Variants in GALNT17 observed in about 807,000 individuals in gnomAD.
GALNT17 encodes polypeptide N-acetylgalactosaminyltransferase 17, also known as UDP-GalNAc:polypeptide N-acetylgalactosaminyltransferase-like 3.
In GALNT17, 29 loss-of-function variants were observed where a neutral mutation model predicts 63.7. That is an observed-to-expected ratio of 0.46 (90% CI 0.34 to 0.62). The LOEUF is 0.62. GALNT17 is among the 20% of genes least tolerant of loss of function. The pLI is 0.01. For synonymous variants in GALNT17, 305 were observed against 318.3 expected (o/e 0.96, Z 0.45); for missense variants, 603 against 799.6 (o/e 0.75, Z 2.97).
chr7:71,434,888 A>AAAAC (rs1196455889), intron 5 of GALNT17, among the ~76,000 whole-genome samples: 2 of 152,222 alleles, frequency 1.3e-5, no homozygotes, highest in East Asian at 3.8e-4. Flanking sequence ...TAGATGGTAA[A>AAAAC]AAACAAACAA....
intron 6 of GALNT17, among the ~76,000 whole-genome samples, chr7:71,631,647 C>T (rs960865036): frequency 1.3e-5 from 2 of 152,002 alleles, no homozygotes; most frequent in African/African-American, 4.8e-5. Flanking sequence ...GGAGTGGCAT[C>T]AGCAAAGGTG....
At chr7:71,421,456 G>A (rs1317889910) in intron 5 of GALNT17, among the ~76,000 whole-genome samples, 3 of 152,160 alleles carry the variant, frequency 2.0e-5, no homozygotes, top group African/African-American at 7.2e-5. Flanking sequence ...TTTTATACTT[G>A]AAGCCTTGTA....
intron 6 of GALNT17, among the ~76,000 whole-genome samples, chr7:71,615,273 G>T (rs889448037): frequency 7.2e-5 from 11 of 152,036 alleles, no homozygotes; most frequent in Non-Finnish European, 7.4e-5. Flanking sequence ...ATCCAGACTG[G>T]CTTCCACTCT....
chr7:71,426,391 T>C (rs1786761514), intron 5 of GALNT17, among the ~76,000 whole-genome samples: 1 of 152,236 alleles, frequency 6.6e-6, no homozygotes. Context: ...GAGAAGCTTC[T>C]TAAATCTGCT....
At chr7:71,555,697 G>T (rs1392777762) in intron 5 of GALNT17, among the ~76,000 whole-genome samples, 1 of 151,986 alleles carries the variant, frequency 6.6e-6, no homozygotes, top group Non-Finnish European at 1.5e-5. Flanking sequence ...TCAAACCAGT[G>T]TCTGGGAGTG....
At chr7:71,569,140 T>G (rs1353854703) in intron 5 of GALNT17, among the ~76,000 whole-genome samples, 2 of 152,118 alleles carry the variant, frequency 1.3e-5, no homozygotes, top group Non-Finnish European at 2.9e-5. Flanking sequence ...CCTGGCTAAT[T>G]TTTTTATCTT....
intron 1 of GALNT17, among the ~76,000 whole-genome samples, chr7:71,321,902 C>CCTTCCTTCCTTCATTCCTTT (rs1791616737): frequency 1.4e-5 from 1 of 70,006 alleles, no homozygotes; most frequent in East Asian, 5.5e-4. Flanking sequence ...TTCCTTCCTT[C>CCTTCCTTCCTTCATTCCTTT]CTTCCTTCCT....
chr7:71,226,340 TG>T (rs1477153961), intron 1 of GALNT17, among the ~76,000 whole-genome samples: 1 of 152,018 alleles, frequency 6.6e-6, no homozygotes, highest in Non-Finnish European at 1.5e-5. Context: ...AACCCCGGGG[TG>T]GAGACAGGGC....
rs543055879 is a variant in GALNT17 at position 71,381,713 on chromosome 7, A to T, written c.423-6522A>T. 6.9e-4 allele frequency among the ~76,000 whole-genome samples: 105 copies of T among 152,218 alleles called. 3 individuals are homozygous for T. The South Asian group carries it at 0.021, about 31-fold the overall frequency. ...AGAATTGTTTGAACCTGGGAGGTGGAGGTTGCAGTGAGCTGAGATCATGCC... is the reference window on the plus strand; with the variant it reads ...AGAATTGTTTGAACCTGGGAGGTGGTGGTTGCAGTGAGCTGAGATCATGCC... On this transcript the variant is annotated intron_variant, in intron 2 of 10. Coordinates refer to ENST00000333538, the MANE Select transcript of GALNT17 (RefSeq NM_022479.3).
Position 71,415,928 on chromosome 7 carries a change from G to A in GALNT17, c.629G>A (p.Arg210His), listed in dbSNP as rs1354648930. 6.8e-6 allele frequency: 11 copies of A among 1,612,920 alleles called. No homozygotes were observed. The highest frequency in any genetic ancestry group is 1.6e-4 in the Middle Eastern group (1 of 6,082). Reference protein sequence around the residue: ...KVPLEEYVHKRYPGLVKVVRN... With the variant: ...KVPLEEYVHKHYPGLVKVVRN... The stretch of plus-strand genomic sequence containing the variant: ...CCCCTAGAGGAGTATGTCCACAAAC[G>A]CTACCCCGGGCTGGTGAAGGTGGTA... Residue 210 changes from arginine to histidine, a missense_variant, in exon 4 of 11, where the codon CGC (arginine) becomes CAC (histidine). Transcript: ENST00000333538.
At chr7:71,148,915 A>G (rs1414188105) in intron 1 of GALNT17, among the ~76,000 whole-genome samples, 2 of 144,428 alleles carry the variant, frequency 1.4e-5, no homozygotes, top group East Asian at 4.0e-4. Context: ...TTAACCATAC[A>G]CAACTATTTG....
intron 1 of GALNT17, among the ~76,000 whole-genome samples, chr7:71,216,847 T>TA (rs1789492165): frequency 1.3e-5 from 2 of 152,228 alleles, no homozygotes; most frequent in African/African-American, 4.8e-5. Flanking sequence ...ATAACTACTT[T>TA]ATGTCTGGGA....
At chr7:71,361,691 A>G (rs1792404224) in intron 2 of GALNT17, among the ~76,000 whole-genome samples, 1 of 152,144 alleles carries the variant, frequency 6.6e-6, no homozygotes, top group African/African-American at 2.4e-5. Flanking sequence ...TTTCTATTGC[A>G]TAGATTGAAT....
chr7:71,272,039 A>G (rs936621191), intron 1 of GALNT17, among the ~76,000 whole-genome samples: 1 of 152,228 alleles, frequency 6.6e-6, no homozygotes, highest in Non-Finnish European at 1.5e-5. Flanking sequence ...GATTACAGGC[A>G]TGAGCCACTG....
At position 71,712,480 on chromosome 7, in the gene GALNT17, T is replaced by G. The variant is rs762203459; in HGVS notation, c.*334T>G. The stretch of plus-strand genomic sequence containing the variant: ...CATCTCCCATCCCAGAATCAGGATC[T>G]GGGACTGGCAGGGTCCCCTCCTGTG... On this transcript the variant is annotated 3_prime_UTR_variant, in exon 11 of 11. Transcript: ENST00000333538. The G allele has an allele frequency of 5.4e-6, 1 of 184,278 alleles. No individual in the cohort carries two copies. Among genetic ancestry groups the G allele is most frequent in the African/African-American group, 2.4e-5 (1 of 42,034 alleles). The allele number at this position is 184,278 out of a possible 1,614,324, so 11.4% of individuals were successfully genotyped here. A position where few individuals can be genotyped will look rare whatever the true frequency, so the allele number is the denominator to read the frequency against.
chr7:71,225,216 G>C (rs889763309), intron 1 of GALNT17, among the ~76,000 whole-genome samples: 9 of 152,078 alleles, frequency 5.9e-5, no homozygotes, highest in Non-Finnish European at 1.0e-4. Flanking sequence ...TGATCTGCCC[G>C]CCTCAGCCTC....
intron 1 of GALNT17, among the ~76,000 whole-genome samples, chr7:71,214,273 A>G (rs568580519): frequency 1.3e-5 from 2 of 152,328 alleles, no homozygotes; most frequent in South Asian, 2.1e-4. Context: ...CTGTTAAATA[A>G]CAGCTTTTCT....
intron 5 of GALNT17, among the ~76,000 whole-genome samples, chr7:71,481,572 G>T (rs1364524198): frequency 6.6e-6 from 1 of 152,172 alleles, no homozygotes. Flanking sequence ...CTGCAAGAGG[G>T]ATACCTATGG....
chr7:71,399,855 A>G (rs544892853), intron 3 of GALNT17, among the ~76,000 whole-genome samples: 4 of 152,098 alleles, frequency 2.6e-5, no homozygotes, highest in Non-Finnish European at 5.9e-5. Context: ...TTAAGTGTGC[A>G]TTTAAAAAAA....
Sources: allele counts gnomAD v4.1 joint callset (sites outside exome capture counted in the v4.1 genomes callset), GRCh38; gene constraint gnomAD v4.1.1; transcripts MANE v1.5; gene names NCBI Gene and HGNC (gene_info 2026-07-23, HGNC 2026-07-21).